The following DLC1 variants were observed in gnomAD, a reference collection of about 807,000 sequenced individuals.
The protein encoded by DLC1 is DLC1 Rho GTPase activating protein.
In DLC1, 54 loss-of-function variants were observed where a neutral mutation model predicts 140.3. The ratio of observed to expected loss-of-function variants is 0.38; its 90% CI spans 0.31 to 0.48. The LOEUF (loss-of-function observed/expected upper bound fraction) is 0.48, where lower values mean the gene tolerates loss of function less well. Among genes scored for constraint, DLC1 ranks in the 20% least tolerant of loss-of-function variants. The pLI is 0.96. For missense variants in DLC1, 2,536 were observed against 1,907.0 expected (o/e 1.33, Z -6.14); for synonymous variants, 986 against 728.1 (o/e 1.35, Z -5.70).
intron 2 of DLC1, among the ~76,000 whole-genome samples, chr8:13,433,191 C>G (rs559907383): frequency 6.6e-6 from 1 of 152,104 alleles, no homozygotes; most frequent in South Asian, 2.1e-4. Flanking sequence ...AAAAAATGTG[C>G]ACATTTGTGA....
At chr8:13,305,547 C>T (rs1464950490) in intron 4 of DLC1, among the ~76,000 whole-genome samples, 1 of 152,142 alleles carries the variant, frequency 6.6e-6, no homozygotes, top group Non-Finnish European at 1.5e-5. Context: ...ATCTTTAACA[C>T]TGGCAATAGG....
intron 2 of DLC1, among the ~76,000 whole-genome samples, chr8:13,458,460 G>T (rs758485253): frequency 6.6e-6 from 1 of 152,116 alleles, no homozygotes; most frequent in Non-Finnish European, 1.5e-5. Context: ...GATACAGTCA[G>T]CAAAATGTTC....
intron 2 of DLC1, among the ~76,000 whole-genome samples, chr8:13,486,348 T>C (rs1423230763): frequency 3.3e-5 from 5 of 152,204 alleles, no homozygotes; most frequent in South Asian, 2.1e-4. Context: ...AGATGTTTTT[T>C]TCCCCCGCAC....
In DLC1 at chr8:13,099,710, A is replaced by C. The variant is rs1394022227; in HGVS notation, c.2627T>G (p.Leu876Arg). 1 of 1,614,186 alleles carries C rather than the reference A, an allele frequency of 6.2e-7. No individual in the cohort carries two copies. The highest frequency in any genetic ancestry group is 1.7e-5 in the Admixed American group (1 of 60,016). Residue 876 changes from leucine to arginine, a missense_variant, in exon 9 of 18, where the codon CTG becomes CGG. Physicochemically the swap from Leu to Arg is moderately radical, Grantham distance 102. Coordinates refer to ENST00000276297, the MANE Select transcript of DLC1 (RefSeq NM_182643.3). ...GCCCGGCACGTTGTCGTAGATGCTC[A>C]GGCGGCTGCTCATGGAGCTGGAAGA... is the stretch of plus-strand genomic sequence containing the variant. Reference protein sequence around the residue: ...RNSSSSMSSRLSIYDNVPGSI... With the variant: ...RNSSSSMSSRRSIYDNVPGSI...
intron 2 of DLC1, among the ~76,000 whole-genome samples, chr8:13,424,924 A>G (rs1244763564): frequency 6.6e-6 from 1 of 152,174 alleles, no homozygotes; most frequent in Admixed American, 6.6e-5. Flanking sequence ...CTTAGTACAT[A>G]ATGTACCAAT....
intron 2 of DLC1, among the ~76,000 whole-genome samples, chr8:13,437,288 G>A (rs1404980046): frequency 6.6e-6 from 1 of 152,174 alleles, no homozygotes; most frequent in African/African-American, 2.4e-5. Context: ...AAGGCCTGCT[G>A]CCTGATTTTC....
intron 5 of DLC1, among the ~76,000 whole-genome samples, chr8:13,130,870 A>T (rs1478412537): frequency 1.3e-5 from 2 of 152,242 alleles, no homozygotes; most frequent in Admixed American, 6.5e-5. Context: ...AAACTTTTCA[A>T]AACAGCCAGG....
intron 2 of DLC1, among the ~76,000 whole-genome samples, chr8:13,482,823 C>T (rs569545079): frequency 1.3e-5 from 2 of 152,278 alleles, no homozygotes; most frequent in South Asian, 4.1e-4. Flanking sequence ...TAAATGCATG[C>T]TGTACACTGG....
At chr8:13,400,532 T>G (rs1837247733) in intron 3 of DLC1, among the ~76,000 whole-genome samples, 1 of 152,194 alleles carries the variant, frequency 6.6e-6, no homozygotes, top group South Asian at 2.1e-4. Flanking sequence ...AATTGTTATA[T>G]TCTGTGGGCT....
At chr8:13,249,341 G>T (rs56933952) in intron 5 of DLC1, among the ~76,000 whole-genome samples, 35,252 of 151,642 alleles carry the variant, frequency 0.23, 4,341 homozygotes, top group South Asian at 0.34. Context: ...GCCTCTCAAA[G>T]TGCTGGGATT....
intron 5 of DLC1, among the ~76,000 whole-genome samples, chr8:13,282,441 G>A (rs113278086): frequency 6.6e-6 from 1 of 151,990 alleles, no homozygotes; most frequent in African/African-American, 2.4e-5. Context: ...ATTTCAAAAG[G>A]TTAAACATTT....
At chr8:13,199,808 C>G (rs1827277325) in intron 5 of DLC1, among the ~76,000 whole-genome samples, 1 of 152,074 alleles carries the variant, frequency 6.6e-6, no homozygotes, top group African/African-American at 2.4e-5. Flanking sequence ...ATCTCAAAGT[C>G]AGGCTCTGTC....
chr8:13,390,833 A>C (rs1836723195), intron 4 of DLC1, among the ~76,000 whole-genome samples: 1 of 151,918 alleles, frequency 6.6e-6, no homozygotes, highest in South Asian at 2.1e-4. Flanking sequence ...TAAAAATACA[A>C]AAAAATTAGC....
chr8:13,603,335 T>C lies in DLC1; in HGVS notation c.-126+1202A>G, dbSNP rs73563502. 6.4e-3 allele frequency among the ~76,000 whole-genome samples: 968 copies of C among 151,830 alleles called. 11 individuals carry two copies. Among genetic ancestry groups the C allele is most frequent in the African/African-American group, 0.022 (925 of 41,400 alleles). On this transcript the variant is annotated intron_variant, in intron 1 of 1. Coordinates refer to the DLC1 transcript ENST00000631382. The stretch of plus-strand genomic sequence containing the variant: ...GTCTTGGTAATATTAAAATGGTAAT[T>C]CTTACACACAATTCACTGATATAGA...
intron 2 of DLC1, among the ~76,000 whole-genome samples, chr8:13,419,209 C>T (rs1838202951): frequency 6.6e-6 from 1 of 151,844 alleles, no homozygotes; most frequent in South Asian, 2.1e-4. Flanking sequence ...CGTTTATTTC[C>T]TTCTCCTGCC....
At chr8:13,331,784 AT>A (rs1295835272) in intron 4 of DLC1, among the ~76,000 whole-genome samples, 2 of 152,178 alleles carry the variant, frequency 1.3e-5, no homozygotes, top group Non-Finnish European at 2.9e-5. Flanking sequence ...AGTTTCTAAA[AT>A]TTCAGAAGCA....
chr8:13,577,174 C>T (rs1037738018), intron 1 of DLC1, among the ~76,000 whole-genome samples: 2 of 152,020 alleles, frequency 1.3e-5, no homozygotes, highest in Non-Finnish European at 2.9e-5. Context: ...AAACATCTTC[C>T]GACATTGGAC....
At chr8:13,296,384 G>A (rs1013428457) in intron 5 of DLC1, among the ~76,000 whole-genome samples, 7 of 152,172 alleles carry the variant, frequency 4.6e-5, no homozygotes, top group Admixed American at 4.6e-4. Context: ...CTGATAAGAG[G>A]TCAATGGCAT....
rs1174770091 is a variant in DLC1, at chr8:13,118,339, T to C, written c.1349-2682A>G. On this transcript the variant is annotated intron_variant, in intron 5 of 17. Coordinates refer to ENST00000276297, the MANE Select transcript of DLC1 (RefSeq NM_182643.3). Reference sequence around the variant, plus strand: ...CTTCAGCAGATAATTTAATTAACAGTTTATACAATGGCTAAAACACAGTAC... The same window carrying C: ...CTTCAGCAGATAATTTAATTAACAGCTTATACAATGGCTAAAACACAGTAC... Among the ~76,000 whole-genome samples the C allele has an allele frequency of 3.3e-5, 5 of 152,312 alleles. No homozygotes were observed. In the East Asian group the frequency reaches 9.6e-4, roughly 29 times the overall value.
Sources: gnomAD v4.1 joint callset for allele counts (sites outside exome capture counted in the v4.1 genomes callset) on GRCh38, gnomAD v4.1.1 for gene constraint, MANE v1.5 for transcripts, NCBI Gene and HGNC (gene_info 2026-07-23, HGNC 2026-07-21) for gene names.